CTBP1: variants seen among roughly 807,000 people sequenced by gnomAD.
CTBP1 encodes the protein C-terminal-binding protein 1.
A neutral mutation model predicts 42.1 loss-of-function variants in CTBP1; 11 were observed. The ratio of observed to expected loss-of-function variants is 0.26; its 90% CI spans 0.16 to 0.43. CTBP1 has a LOEUF of 0.43. Ranked by LOEUF, CTBP1 falls within the 20% of genes least tolerant of loss-of-function variation. The pLI is 1.00. For missense variants in CTBP1, 399 were observed against 624.3 expected (o/e 0.64, Z 3.85); for synonymous variants, 324 against 277.1 (o/e 1.17, Z -1.68).
At position 1,212,319 on chromosome 4, in the gene CTBP1, G is replaced by T; in HGVS notation, c.1211C>A (p.Ala404Asp). 1 of 768,908 alleles carries T rather than the reference G, an allele frequency of 1.3e-6. No homozygotes were observed. Among genetic ancestry groups the T allele is most frequent in the Non-Finnish European group, 2.0e-6 (1 of 505,384 alleles). 47.6% of individuals were successfully genotyped at this position (768,908 alleles called of 1,614,324 possible). A position where few individuals can be genotyped will look rare whatever the true frequency, so the allele number is the denominator to read the frequency against. The change falls in exon 10 of 10, where the codon GCC becomes GAC. Residue 404 changes from alanine to aspartate, a missense_variant. Ala to Asp is a moderately radical substitution (Grantham distance 126, BLOSUM62 -2). Transcript: ENST00000382952. The stretch of plus-strand genomic sequence containing the variant: ...AGGAGAAGGGGCGTGGGGCGGGTGG[G>T]CCACAGGGGGCAGGCCGTGGGACAG... ...MSLSHGLPPV[A>D]HPPHAPSPGQ...
chr4:1,239,665 G>A (rs142914174), intron 2 of CTBP1, among the ~76,000 whole-genome samples: 99 of 152,326 alleles, frequency 6.5e-4, no homozygotes, highest in African/African-American at 2.0e-3. Context: ...TGCAGGGGAC[G>A]GGGCATGGGT....
rs904597721 is a variant in CTBP1, at chr4:1,249,028, G to A, written c.-301C>T. The A allele has an allele frequency of 2.0e-3, 1,518 of 742,580 alleles. 6 individuals are homozygous for A. Among genetic ancestry groups the A allele is most frequent in the South Asian group, 2.6e-3 (45 of 17,086 alleles). The allele number at this position is 742,580 out of a possible 1,614,324, so 46.0% of individuals were successfully genotyped here. A position where few individuals can be genotyped will look rare whatever the true frequency, so the allele number is the denominator to read the frequency against. On this transcript the variant is annotated 5_prime_UTR_variant, in exon 1 of 10. Transcript: ENST00000382952. ...CCGCCGCGAGCCCGGCGCGTGGGGCGGCCTCGGCGCCGTCCGCTGCTCCGC... is the reference window on the plus strand; with the variant it reads ...CCGCCGCGAGCCCGGCGCGTGGGGCAGCCTCGGCGCCGTCCGCTGCTCCGC...
At chr4:1,227,140 G>A (rs1292670174) in intron 4 of CTBP1, among the ~76,000 whole-genome samples, 1 of 152,148 alleles carries the variant, frequency 6.6e-6, no homozygotes, top group Non-Finnish European at 1.5e-5. Flanking sequence ...CATGGATGCA[G>A]ACACATGTGC....
chr4:1,224,508 C>T (rs1160769965), intron 5 of CTBP1, among the ~76,000 whole-genome samples: 1 of 150,252 alleles, frequency 6.7e-6, no homozygotes, highest in Non-Finnish European at 1.5e-5. Context: ...GTCTGTGAGG[C>T]CCACGTGTGC....
chr4:1,247,224 G>A (rs1214324192), intron 1 of CTBP1, among the ~76,000 whole-genome samples: 1 of 152,242 alleles, frequency 6.6e-6, no homozygotes, highest in Non-Finnish European at 1.5e-5. Flanking sequence ...GTGCATGTTG[G>A]GGACATGGCA....
intron 1 of CTBP1, among the ~76,000 whole-genome samples, chr4:1,246,674 G>A (rs1198334118): frequency 6.6e-6 from 1 of 152,220 alleles, no homozygotes; most frequent in Non-Finnish European, 1.5e-5. Flanking sequence ...AGGAAGTTGA[G>A]AGGGCAAGTG....
At chr4:1,243,924 G>A in intron 1 of CTBP1, 1 of 985,346 alleles carries the variant, frequency 1.0e-6, no homozygotes, top group Non-Finnish European at 1.2e-6. Context: ...CATGTTGTAA[G>A]AAAGCACTCA....
At chr4:1,248,831 TCCGCCCCC>T in intron 1 of CTBP1, 77 bp downstream of exon 1, 1 of 886,672 alleles carries the variant, frequency 1.1e-6, no homozygotes, top group African/African-American at 2.0e-5. Flanking sequence ...GCGCGCTCGG[TCCGCCCCC>T]GCGCCCCCCG....
At chr4:1,218,429 T>C (rs187835314) in intron 5 of CTBP1, 4 of 151,802 alleles carry the variant, frequency 2.6e-5, no homozygotes, top group African/African-American at 7.3e-5. Flanking sequence ...GCAACACATT[T>C]TCGGACAAAG....
Position 1,245,231 on chromosome 4 carries a change from C to G in CTBP1, c.-189+3685G>C, listed in dbSNP as rs540042104. ...GGGCCTGCAGGGCCGCATCACAGCT[C>G]AGAGGACACAGCGCAGGGGCTGTGA... is the stretch of plus-strand genomic sequence containing the variant. On this transcript the variant is annotated intron_variant, in intron 1 of 9. Transcript: ENST00000382952. The G allele has an allele frequency of 2.4e-5, 24 of 985,468 alleles. No individual in the cohort carries two copies. The East Asian group carries it at 1.1e-3, about 47-fold the overall frequency. The allele number at this position is 985,468 out of a possible 1,614,324, so 61.0% of individuals were successfully genotyped here.
chr4:1,225,904 G>A (rs935140063), intron 4 of CTBP1, among the ~76,000 whole-genome samples: 3 of 151,838 alleles, frequency 2.0e-5, no homozygotes, highest in African/African-American at 4.8e-5. Flanking sequence ...GTCTCCCCGC[G>A]TCACCTCGCC....
At chr4:1,245,239 A>T in intron 1 of CTBP1, 1 of 985,464 alleles carries the variant, frequency 1.0e-6, no homozygotes. Context: ...CTCAGAGGAC[A>T]CAGCGCAGGG....
chr4:1,244,349 G>C (rs1289091296), intron 1 of CTBP1: 1 of 854,610 alleles, frequency 1.2e-6, no homozygotes, highest in Non-Finnish European at 1.3e-6. Context: ...TGGGTCTCTG[G>C]GCACTGGGGG....
chr4:1,217,458 C>T (rs919858580), intron 5 of CTBP1: 5 of 152,466 alleles, frequency 3.3e-5, no homozygotes, highest in African/African-American at 7.2e-5. Context: ...CAGAACAGCC[C>T]GTCTGTCAAC....
Position 1,226,616 on chromosome 4 carries a change from C to T in CTBP1, c.308-1050G>A, listed in dbSNP as rs1053204778. 9.3e-5 allele frequency among the ~76,000 whole-genome samples: 14 copies of T among 150,692 alleles called. 1 individual carries two copies. The highest frequency in any genetic ancestry group is 2.0e-4 in the East Asian group (1 of 5,104). On this transcript the variant is annotated intron_variant, in intron 4 of 9. Transcript: ENST00000382952. The stretch of plus-strand genomic sequence containing the variant: ...GGCCAGATCCCAGGGGTGCCCCAGA[C>T]CATCCCTGGCTGAAGAACAGAGCCC...
At chr4:1,236,354 G>A in intron 3 of CTBP1, 1 of 460,972 alleles carries the variant, frequency 2.2e-6, no homozygotes. Context: ...CCCAAAGGCT[G>A]CTCACTGCTG....
At position 1,214,488 on chromosome 4, in the gene CTBP1, G is replaced by A; in HGVS notation, c.730-15C>T. The A allele has an allele frequency of 6.4e-7, 1 of 1,570,070 alleles. No individual in the cohort carries two copies. The highest frequency in any genetic ancestry group is 8.6e-7 in the Non-Finnish European group (1 of 1,163,390). On this transcript the variant is annotated splice_polypyrimidine_tract_variant and intron_variant, in intron 6 of 9. Transcript: ENST00000382952. ...CCTTGTCTCATCTAGAAGACATAAG[G>A]ACAGGCCAGGCCCAGTCAGGGATCC... is the stretch of plus-strand genomic sequence containing the variant.
In CTBP1 at chr4:1,248,952, C is replaced by A; in HGVS notation, c.-225G>T. 1 of 1,007,624 alleles carries A rather than the reference C, an allele frequency of 9.9e-7. No individual in the cohort carries two copies. The highest frequency in any genetic ancestry group is 3.2e-5 in the South Asian group (1 of 31,014). 62.4% of individuals were successfully genotyped at this position (1,007,624 alleles called of 1,614,324 possible). A position where few individuals can be genotyped will look rare whatever the true frequency, so the allele number is the denominator to read the frequency against. Reference sequence around the variant, plus strand: ...CCCTTGTTGAGCAAGTGCGAGCTGCCCATCGAGAGGCGCGAGCGGCCGCGG... The same window carrying A: ...CCCTTGTTGAGCAAGTGCGAGCTGCACATCGAGAGGCGCGAGCGGCCGCGG... On this transcript the variant is annotated 5_prime_UTR_variant, in exon 1 of 10. Coordinates refer to ENST00000382952, the MANE Select transcript of CTBP1 (RefSeq NM_001012614.2).
intron 5 of CTBP1, chr4:1,223,300 C>G (rs923257157): frequency 7.8e-6 from 3 of 383,520 alleles, no homozygotes; most frequent in Non-Finnish European, 1.0e-5. Flanking sequence ...CTCTGGGATC[C>G]TCACAGGCTC....
Sources: gnomAD v4.1 joint callset for allele counts (sites outside exome capture counted in the v4.1 genomes callset) on GRCh38, gnomAD v4.1.1 for gene constraint, MANE v1.5 for transcripts, NCBI Gene and HGNC (gene_info 2026-07-23, HGNC 2026-07-21) for gene names.